ATAD2B: variants seen among roughly 807,000 people sequenced by gnomAD.
ATAD2B encodes ATPase family AAA domain-containing protein 2B.
In ATAD2B, 40 loss-of-function variants were observed where a neutral mutation model predicts 167.6. That is an observed-to-expected ratio of 0.24 (90% confidence interval 0.19 to 0.31). The LOEUF is 0.31. Ranked by LOEUF, ATAD2B falls within the 10% of genes least tolerant of loss-of-function variation. The pLI is 1.00. For synonymous variants in ATAD2B, 579 were observed against 596.5 expected (o/e 0.97, Z 0.43); for missense variants, 1,242 against 1,757.2 (o/e 0.71, Z 5.24).
chr2:23,833,922 T>C lies in ATAD2B; in HGVS notation c.1725A>G (p.Gln575=), dbSNP rs1341167433. 2 of 1,600,622 alleles carry C rather than the reference T, an allele frequency of 1.2e-6. No individual in the cohort carries two copies. Among genetic ancestry groups the C allele is most frequent in the South Asian group, 2.3e-5 (2 of 88,192 alleles). ...DREFLFNLPD[Q]KARKHILQIH... The stretch of plus-strand genomic sequence containing the variant: ...TATTGAAAACAAAAACTCTTACCTT[T>C]TGATCAGGCAGGTTGAAGAGGAATT... Residue 575 remains glutamine, a synonymous_variant, in exon 14 of 28, where the codon CAA becomes CAG. Transcript: ENST00000238789.
chr2:23,915,880 C>T (rs1702982922), intron 1 of ATAD2B, among the ~76,000 whole-genome samples: 1 of 152,020 alleles, frequency 6.6e-6, no homozygotes, highest in Non-Finnish European at 1.5e-5. Flanking sequence ...CATGAGCCAC[C>T]GCGCCTGGCC....
intron 18 of ATAD2B, among the ~76,000 whole-genome samples, chr2:23,807,813 C>T (rs1262233965): frequency 1.9e-5 from 1 of 53,070 alleles, no homozygotes; most frequent in South Asian, 8.3e-4. Flanking sequence ...GTGACTCCAT[C>T]TTAAAAAAAA....
chr2:23,812,279 T>TA (rs1458437782), intron 17 of ATAD2B, among the ~76,000 whole-genome samples: 1 of 106,094 alleles, frequency 9.4e-6, no homozygotes, highest in Non-Finnish European at 2.0e-5. Context: ...ATAACCACTG[T>TA]AAAAAAGGAA....
chr2:23,833,836 T>G, intron 14 of ATAD2B, 83 bp downstream of exon 14: 1 of 1,120,216 alleles, frequency 8.9e-7, no homozygotes, highest in South Asian at 2.0e-5. Context: ...ACAATGAAAA[T>G]TCATAAAATA....
the ATAD2B span, chr2:23,708,398 C>T: frequency 2.6e-5 from 4 of 152,126 alleles, no homozygotes; most frequent in Non-Finnish European, 4.4e-5. Context: ...CATTGGTGTG[C>T]GTCTGCCTCC....
chr2:23,691,865 T>G, the ATAD2B span: 1 of 1,550,190 alleles, frequency 6.5e-7, no homozygotes, highest in East Asian at 2.4e-5. Context: ...AAAGTCTGCG[T>G]GTCCTTTCTC....
intron 2 of ATAD2B, 106 bp downstream of exon 2, chr2:23,895,713 T>C: frequency 1.4e-6 from 1 of 727,222 alleles, no homozygotes; most frequent in Non-Finnish European, 2.1e-6. Flanking sequence ...CTTATAAGTA[T>C]TTACAAGATA....
intron 25 of ATAD2B, among the ~76,000 whole-genome samples, chr2:23,756,266 A>G (rs533457600): frequency 7.2e-5 from 11 of 152,286 alleles, no homozygotes; most frequent in African/African-American, 2.2e-4. Flanking sequence ...ATTGAAGAAT[A>G]AGACAAATGT....
At chr2:23,758,687 G>T (rs1012799782) in intron 24 of ATAD2B, among the ~76,000 whole-genome samples, 2 of 152,172 alleles carry the variant, frequency 1.3e-5, no homozygotes, top group African/African-American at 2.4e-5. Flanking sequence ...GGACAATTTG[G>T]TGAGCCAACT....
Position 23,751,380 on chromosome 2 carries a change from A to G in ATAD2B, c.*666T>C, listed in dbSNP as rs144559413. 1 of 152,260 alleles carries G rather than the reference A, an allele frequency of 6.6e-6. No individual in the cohort carries two copies. The highest frequency in any genetic ancestry group is 2.4e-5 in the African/African-American group (1 of 41,556). 9.4% of individuals were successfully genotyped at this position (152,260 alleles called of 1,614,324 possible). On this transcript the variant is annotated 3_prime_UTR_variant, in exon 28 of 28. Transcript: ENST00000238789. ...TGTCTCTTAATGACATAGAGTATCA[A>G]AACTTATTTTCAAGGTTGTGACCAA...
intron 1 of ATAD2B, among the ~76,000 whole-genome samples, chr2:23,908,065 G>A (rs1701746281): frequency 6.6e-6 from 1 of 152,150 alleles, no homozygotes; most frequent in African/African-American, 2.4e-5. Flanking sequence ...TTACCATTCA[G>A]GACATAGGCA....
At chr2:23,711,789 T>TA in the ATAD2B span, among the ~76,000 whole-genome samples, 1 of 152,124 alleles carries the variant, frequency 6.6e-6, no homozygotes, top group African/African-American at 2.4e-5. Context: ...CAATTACAAA[T>TA]AAAAAATATG....
the ATAD2B span, chr2:23,703,350 C>T: frequency 2.9e-5 from 44 of 1,524,600 alleles, no homozygotes; most frequent in Admixed American, 8.5e-5. Context: ...CAGACCAACA[C>T]GTGGAGCTTC....
chr2:23,831,763 G>A (rs147801689), intron 14 of ATAD2B, among the ~76,000 whole-genome samples: 7 of 152,136 alleles, frequency 4.6e-5, no homozygotes, highest in South Asian at 2.1e-4. Context: ...CCACTTTTAC[G>A]CTAAATCCTA....
At chr2:23,873,515 A>G (rs1696321954) in intron 8 of ATAD2B, among the ~76,000 whole-genome samples, 2 of 152,358 alleles carry the variant, frequency 1.3e-5, no homozygotes, top group South Asian at 4.1e-4. Context: ...TTGAAAATTT[A>G]TCAAAGACTT....
chr2:23,791,546 T>C (rs2712095), intron 19 of ATAD2B, among the ~76,000 whole-genome samples: 9,848 of 152,050 alleles, frequency 0.065, 409 homozygotes, highest in African/African-American at 0.12. Context: ...TGGGTTGCAG[T>C]GGTATTTCAT....
At chr2:23,821,236 T>TAATA (rs1378943841) in intron 16 of ATAD2B, among the ~76,000 whole-genome samples, 1 of 152,162 alleles carries the variant, frequency 6.6e-6, no homozygotes, top group African/African-American at 2.4e-5. Flanking sequence ...AAAACATAGA[T>TAATA]AATAATGCTA....
At chr2:23,853,095 C>T (rs1044255922) in intron 13 of ATAD2B, among the ~76,000 whole-genome samples, 5 of 152,088 alleles carry the variant, frequency 3.3e-5, no homozygotes, top group African/African-American at 1.2e-4. Flanking sequence ...GTGGAAATCC[C>T]TCAATGTAAT....
the ATAD2B span, among the ~76,000 whole-genome samples, chr2:23,699,126 A>G: frequency 1.1e-4 from 16 of 152,166 alleles, no homozygotes; most frequent in African/African-American, 3.9e-4. Context: ...TCTCAAATCC[A>G]AGCACACAAC....
Sources: gnomAD v4.1 joint callset for allele counts (sites outside exome capture counted in the v4.1 genomes callset) on GRCh38, gnomAD v4.1.1 for gene constraint, MANE v1.5 for transcripts, NCBI Gene and HGNC (gene_info 2026-07-23, HGNC 2026-07-21) for gene names.